SOBP: variants seen among roughly 807,000 people sequenced by gnomAD.
The protein encoded by SOBP is sine oculis-binding protein homolog.
Under a neutral mutation model 53.6 loss-of-function variants are expected in SOBP, and 4 were observed. The observed-to-expected ratio is 0.07, with a 90% CI of 0.04 to 0.17. The LOEUF (loss-of-function observed/expected upper bound fraction) is 0.17, where lower values mean the gene tolerates loss of function less well. SOBP is among the 10% of genes least tolerant of loss of function. SOBP has a pLI of 1.00. For synonymous variants in SOBP, 584 were observed against 522.6 expected, an observed-to-expected ratio of 1.12 and a Z score of -1.60; for missense variants, 1,088 against 1,204.7, an observed-to-expected ratio of 0.90 and a Z score of 1.43.
intron 5 of SOBP, among the ~76,000 whole-genome samples, chr6:107,610,505 C>T (rs1173443016): frequency 6.6e-6 from 1 of 152,186 alleles, no homozygotes; most frequent in African/African-American, 2.4e-5. Context: ...GGAAGGTCCT[C>T]GCAGGTGCCA....
intron 5 of SOBP, among the ~76,000 whole-genome samples, chr6:107,594,744 G>T (rs1785882382): frequency 6.6e-6 from 1 of 152,188 alleles, no homozygotes; most frequent in African/African-American, 2.4e-5. Flanking sequence ...TGTCTGTATA[G>T]ACCCCTTTTA....
chr6:107,536,810 C>G (rs1784011850), intron 4 of SOBP, among the ~76,000 whole-genome samples: 1 of 152,186 alleles, frequency 6.6e-6, no homozygotes, highest in Admixed American at 6.5e-5. Context: ...CTAGTTTACA[C>G]ATTTCAGAAT....
chr6:107,564,115 A>T (rs1042295149), intron 4 of SOBP, among the ~76,000 whole-genome samples: 1 of 152,300 alleles, frequency 6.6e-6, no homozygotes, highest in South Asian at 2.1e-4. Flanking sequence ...TGAATGTGAC[A>T]ATGCACACCC....
Position 107,633,985 on chromosome 6 carries a change from C to T in SOBP, c.1141C>T (p.Arg381Trp). The T allele has an allele frequency of 6.2e-7, 1 of 1,614,032 alleles. No homozygotes were observed. Among genetic ancestry groups the T allele is most frequent in the Non-Finnish European group, 8.5e-7 (1 of 1,180,002 alleles). ...CGGGCCTCCCCTTGGCGTCCCGCCT[C>T]GGAGCCCTCCCATGGTGATGACCAA... ...SIGPPLGVPP[R>W]SPPMVMTNRG... is the part of the protein sequence containing the mutation. Residue 381 changes from arginine (R) to tryptophan (W), a missense_variant, in exon 6 of 7, where the codon CGG (arginine) becomes TGG (tryptophan). Physicochemically the swap from Arg to Trp is moderately radical, Grantham distance 101. Transcript: ENST00000317357.
chr6:107,496,191 A>G (rs1258730184), intron 1 of SOBP, among the ~76,000 whole-genome samples: 1 of 152,186 alleles, frequency 6.6e-6, no homozygotes, highest in Non-Finnish European at 1.5e-5. Context: ...ACAGACAGGA[A>G]AACAATGTAA....
intron 4 of SOBP, among the ~76,000 whole-genome samples, chr6:107,563,653 C>T (rs1451932758): frequency 2.0e-5 from 3 of 151,574 alleles, no homozygotes; most frequent in Non-Finnish European, 2.9e-5. Flanking sequence ...TAAGCATTTT[C>T]ATTGTTCCTT....
chr6:107,587,760 G>A (rs1397314071), intron 5 of SOBP, among the ~76,000 whole-genome samples: 2 of 152,176 alleles, frequency 1.3e-5, no homozygotes, highest in African/African-American at 2.4e-5. Flanking sequence ...CTGTTCCAAT[G>A]CAGGGTTAAT....
intron 5 of SOBP, among the ~76,000 whole-genome samples, chr6:107,604,431 T>C (rs1786291772): frequency 6.6e-6 from 1 of 152,202 alleles, no homozygotes; most frequent in Non-Finnish European, 1.5e-5. Context: ...GGTTATTGTC[T>C]TGTGATATAA....
intron 3 of SOBP, among the ~76,000 whole-genome samples, chr6:107,518,093 A>G (rs1278192665): frequency 1.3e-5 from 2 of 152,240 alleles, no homozygotes; most frequent in African/African-American, 4.8e-5. Flanking sequence ...GAAGTTTGTA[A>G]TGCATTTCCC....
At chr6:107,490,798 C>A (rs908898931) in intron 1 of SOBP, 86 bp downstream of exon 1, 5 of 1,042,854 alleles carry the variant, frequency 4.8e-6, no homozygotes, top group African/African-American at 1.6e-5. Context: ...TGGGGGGTAC[C>A]GGGGCGCGCT....
At chr6:107,561,336 G>A (rs1433059583) in intron 4 of SOBP, among the ~76,000 whole-genome samples, 1 of 152,134 alleles carries the variant, frequency 6.6e-6, no homozygotes, top group African/African-American at 2.4e-5. Context: ...AGAAAAATTA[G>A]ACTTAGGAGA....
At chr6:107,655,872 T>C (rs910946097) in intron 6 of SOBP, among the ~76,000 whole-genome samples, 3 of 152,262 alleles carry the variant, frequency 2.0e-5, no homozygotes, top group African/African-American at 7.2e-5. Context: ...ACATTCATTT[T>C]TTTAAATAGT....
intron 4 of SOBP, among the ~76,000 whole-genome samples, chr6:107,560,344 T>A (rs1241751397): frequency 6.6e-6 from 1 of 152,180 alleles, no homozygotes. Context: ...GTTACAGGAC[T>A]GTGTGAAGCC....
intron 1 of SOBP, among the ~76,000 whole-genome samples, chr6:107,500,726 CAT>C (rs1782821254): frequency 2.0e-5 from 3 of 151,874 alleles, no homozygotes; most frequent in Non-Finnish European, 2.9e-5. Flanking sequence ...GGGGTTTCAC[CAT>C]GTTAGCCAGG....
chr6:107,546,622 A>G (rs1481572824), intron 4 of SOBP, among the ~76,000 whole-genome samples: 1 of 152,196 alleles, frequency 6.6e-6, no homozygotes, highest in African/African-American at 2.4e-5. Flanking sequence ...AGTGTCCATT[A>G]TCATAATTTT....
At chr6:107,586,177 A>G (rs953672094) in intron 4 of SOBP, among the ~76,000 whole-genome samples, 1 of 152,212 alleles carries the variant, frequency 6.6e-6, no homozygotes, top group East Asian at 1.9e-4. Context: ...GAATATGCAT[A>G]ATTATATGCA....
chr6:107,577,878 C>A (rs1282173925), intron 4 of SOBP, among the ~76,000 whole-genome samples: 1 of 152,064 alleles, frequency 6.6e-6, no homozygotes, highest in Admixed American at 6.5e-5. Context: ...TCAAGACCAT[C>A]CTGGCTAACA....
At chr6:107,582,569 A>C (rs1475267483) in intron 4 of SOBP, among the ~76,000 whole-genome samples, 1 of 151,838 alleles carries the variant, frequency 6.6e-6, no homozygotes, top group Non-Finnish European at 1.5e-5. Flanking sequence ...AAAAAAAAAG[A>C]AATTTCCTTA....
At chr6:107,616,178 G>A (rs987987256) in intron 5 of SOBP, among the ~76,000 whole-genome samples, 1 of 150,868 alleles carries the variant, frequency 6.6e-6, no homozygotes, top group Non-Finnish European at 1.5e-5. Flanking sequence ...GTGCACTCTT[G>A]GGATCTACTT....
Sources: gnomAD v4.1 joint callset for allele counts (sites outside exome capture counted in the v4.1 genomes callset) on GRCh38, gnomAD v4.1.1 for gene constraint, MANE v1.5 for transcripts, NCBI Gene and HGNC (gene_info 2026-07-23, HGNC 2026-07-21) for gene names.